PPP1CC: variants seen among roughly 807,000 people sequenced by gnomAD.
PPP1CC encodes the protein protein phosphatase 1 catalytic subunit gamma.
In PPP1CC, 16 loss-of-function variants were observed where a neutral mutation model predicts 38.4. The observed-to-expected ratio is 0.42, with a 90% CI of 0.28 to 0.63. PPP1CC has a LOEUF of 0.63. Among genes scored for constraint, PPP1CC ranks in the 30% least tolerant of loss-of-function variants. PPP1CC has a pLI of 0.25. For missense variants in PPP1CC, 170 were observed against 391.3 expected (o/e 0.43, Z 4.77); for synonymous variants, 158 against 136.0 (o/e 1.16, Z -1.13).
At chr12:110,724,805 T>A (rs763361331) in intron 3 of PPP1CC, 41 bp from the exon 4 acceptor site, 1 of 1,216,670 alleles carries the variant, frequency 8.2e-7, no homozygotes, top group Non-Finnish European at 1.2e-6. Context: ...AAGAGAGTAT[T>A]ACTGTTCCGT....
At chr12:110,728,277 T>C (rs1249123178) in intron 3 of PPP1CC, among the ~76,000 whole-genome samples, 2 of 151,394 alleles carry the variant, frequency 1.3e-5, no homozygotes, top group Non-Finnish European at 1.5e-5. Context: ...CGGGCGCCTG[T>C]AGTCCCAGCT....
chr12:110,734,957 T>C (rs1593583344), intron 1 of PPP1CC: 1 of 117,722 alleles, frequency 8.5e-6, no homozygotes, highest in Non-Finnish European at 1.7e-5. Context: ...GCAACTGCAC[T>C]CCAGCCTGGG....
At chr12:110,740,578 T>G (rs1421731126) in intron 1 of PPP1CC, among the ~76,000 whole-genome samples, 1 of 152,192 alleles carries the variant, frequency 6.6e-6, no homozygotes, top group Non-Finnish European at 1.5e-5. Flanking sequence ...GAAATTTAAG[T>G]ATACTTTGCA....
At chr12:110,733,784 A>C (rs922231412) in intron 1 of PPP1CC, among the ~76,000 whole-genome samples, 4 of 152,308 alleles carry the variant, frequency 2.6e-5, no homozygotes, top group African/African-American at 7.2e-5. Context: ...TGGCCTTAAA[A>C]ATTACTCTTA....
intron 6 of PPP1CC, 134 bp from the exon 7 acceptor site, chr12:110,721,299 T>C: frequency 1.6e-6 from 1 of 640,388 alleles, no homozygotes; most frequent in Non-Finnish European, 2.7e-6. Flanking sequence ...CCCCCTAGCA[T>C]ATTAACACAA....
rs187392029 is a variant in PPP1CC at position 110,733,498 on chromosome 12, G to T, written c.56-1597C>A. ...ACAATTTTTTTTTTTGGCTTTGGAC[G>T]CTCTCCACTGTCACCTTTGAACATA... On this transcript the variant is annotated intron_variant, in intron 1 of 6. Coordinates refer to ENST00000335007, the MANE Select transcript of PPP1CC (RefSeq NM_002710.4). Among the ~76,000 whole-genome samples, 17 of 151,834 alleles carry T rather than the reference G, an allele frequency of 1.1e-4. 1 individual carries two copies. The highest frequency in any genetic ancestry group is 1.0e-3 in the Admixed American group (16 of 15,244).
At chr12:110,731,941 A>G (rs1280401998) in intron 1 of PPP1CC, 40 bp from the exon 2 acceptor site, 1 of 1,598,330 alleles carries the variant, frequency 6.3e-7, no homozygotes. Context: ...TGAAGCCAAA[A>G]TACAAAATAC....
At chr12:110,710,605 C>A in the PPP1CC span, among the ~76,000 whole-genome samples, 1 of 149,414 alleles carries the variant, frequency 6.7e-6, no homozygotes, top group Non-Finnish European at 1.5e-5. Context: ...GTAGTCCCAG[C>A]TACTCAGGAG....
downstream of PPP1CC, among the ~76,000 whole-genome samples, chr12:110,717,885 C>G (rs2069700098): frequency 6.6e-6 from 1 of 152,158 alleles, no homozygotes; most frequent in Admixed American, 6.6e-5. Context: ...CAAAATAAAC[C>G]TAAGATTTTT....
intron 1 of PPP1CC, among the ~76,000 whole-genome samples, chr12:110,739,877 A>G (rs2069994940): frequency 6.6e-6 from 1 of 152,224 alleles, no homozygotes; most frequent in Admixed American, 6.5e-5. Context: ...TTCTCTCAAA[A>G]TGCCGTTTTA....
At chr12:110,741,827 G>A (rs1366154802) in intron 1 of PPP1CC, among the ~76,000 whole-genome samples, 1 of 152,196 alleles carries the variant, frequency 6.6e-6, no homozygotes, top group African/African-American at 2.4e-5. Context: ...CTTGCAATGG[G>A]TGGGAGAATT....
At position 110,720,056 on chromosome 12, in the gene PPP1CC, G is replaced by A. The variant is rs1189984671; in HGVS notation, c.*1020C>T. ...TTCTGTATAAACTGGTGGACAGTAA[G>A]TTAGTTCCTTTGTTTTAACTTATAA... On this transcript the variant is annotated 3_prime_UTR_variant, in exon 7 of 7. Transcript: ENST00000335007. The A allele has an allele frequency of 7.7e-7, 1 of 1,292,370 alleles. No individual in the cohort carries two copies. Among genetic ancestry groups the A allele is most frequent in the Non-Finnish European group, 1.1e-6 (1 of 934,108 alleles). The allele number at this position is 1,292,370 out of a possible 1,614,324, so 80.1% of individuals were successfully genotyped here. A position where few individuals can be genotyped will look rare whatever the true frequency, so the allele number is the denominator to read the frequency against.
In PPP1CC at chr12:110,730,790, C is replaced by T. The variant is rs765128523; in HGVS notation, c.188-31G>A. 20 of 1,449,414 alleles carry T rather than the reference C, an allele frequency of 1.4e-5. 1 individual carries two copies. The South Asian group carries it at 2.3e-4, about 17-fold the overall frequency. The allele number at this position is 1,449,414 out of a possible 1,614,324, so 89.8% of individuals were successfully genotyped here. ...AGCAAGAATTTTGTTACACAGTGTTCCCATACTTAAAGCTCAATCCACTAA... is the reference window on the plus strand; with the variant it reads ...AGCAAGAATTTTGTTACACAGTGTTTCCATACTTAAAGCTCAATCCACTAA... On this transcript the variant is annotated intron_variant, in intron 2 of 6. Transcript: ENST00000335007.
chr12:110,736,580 G>A (rs908768836), intron 1 of PPP1CC, among the ~76,000 whole-genome samples: 4 of 152,204 alleles, frequency 2.6e-5, no homozygotes, highest in African/African-American at 9.6e-5. Flanking sequence ...GGAGACAGAT[G>A]CTGCATTGAG....
rs764222418 is a variant in PPP1CC at position 110,742,625 on chromosome 12, C to T, written c.55+28G>A. 3 of 1,432,704 alleles carry T rather than the reference C, an allele frequency of 2.1e-6. No homozygotes were observed. The Admixed American group carries it at 7.8e-5, about 37-fold the overall frequency. 88.7% of individuals were successfully genotyped at this position (1,432,704 alleles called of 1,614,324 possible). ...GCCTGCCGCCCTCAGGCCCGCCTCC[C>T]CCTTCAGCCGCCCGCCGCCCCCCTT... On this transcript the variant is annotated intron_variant, in intron 1 of 6. Transcript: ENST00000335007.
At chr12:110,711,637 T>C in the PPP1CC span, among the ~76,000 whole-genome samples, 1 of 151,584 alleles carries the variant, frequency 6.6e-6, no homozygotes, top group Admixed American at 6.6e-5. Context: ...ATTTAAAAAA[T>C]ACACTAGCCA....
At chr12:110,714,201 G>A in the PPP1CC span, among the ~76,000 whole-genome samples, 1 of 152,116 alleles carries the variant, frequency 6.6e-6, no homozygotes, top group Non-Finnish European at 1.5e-5. Context: ...CAGCATTCAT[G>A]GCAACCAAAA....
the PPP1CC span, among the ~76,000 whole-genome samples, chr12:110,712,699 C>CCTGGTCT: frequency 6.7e-6 from 1 of 148,176 alleles, no homozygotes; most frequent in African/African-American, 2.5e-5. Context: ...GATGAAAAAC[C>CCTGGTCT]CTGGTCTCCT....
intron 6 of PPP1CC, chr12:110,721,839 C>G (rs1327946750): frequency 9.5e-6 from 4 of 423,222 alleles, no homozygotes; most frequent in Non-Finnish European, 1.7e-5. Context: ...TTAATTTTAG[C>G]TGAACATTAC....
Sources: gnomAD v4.1 joint callset for allele counts (sites outside exome capture counted in the v4.1 genomes callset) on GRCh38, gnomAD v4.1.1 for gene constraint, MANE v1.5 for transcripts, NCBI Gene and HGNC (gene_info 2026-07-23, HGNC 2026-07-21) for gene names.